The following PTPRZ1 variants were observed in gnomAD, a reference collection of about 807,000 sequenced individuals.
The protein encoded by PTPRZ1 is protein tyrosine phosphatase receptor type Z1, also known as receptor-type tyrosine-protein phosphatase zeta.
A neutral mutation model predicts 214.1 loss-of-function variants in PTPRZ1; 82 were observed. The ratio of observed to expected loss-of-function variants is 0.38; its 90% confidence interval spans 0.32 to 0.46. PTPRZ1 has a LOEUF of 0.46. Among genes scored for constraint, PTPRZ1 ranks in the 20% least tolerant of loss-of-function variants. PTPRZ1 has a pLI of 1.00. For synonymous variants in PTPRZ1, 945 were observed against 987.9 expected (o/e 0.96, Z 0.81); for missense variants, 2,603 against 2,748.7 (o/e 0.95, Z 1.19).
Position 122,058,935 on chromosome 7 carries a change from C to A in PTPRZ1, c.6664C>A (p.His2222Asn). Residue 2222 changes from histidine to asparagine, a missense_variant, in exon 28 of 30, where the codon CAT becomes AAT. Physicochemically the swap from His to Asn is moderately conservative, Grantham distance 68. Transcript: ENST00000393386. ...CAATAGGGATGGGCCTATGATTGTT[C>A]ATGATGAGTAAGTTCCATGTGTTAG... ...AANRDGPMIV[H>N]DEHGGVTAGT... 1 of 1,584,806 alleles carries A rather than the reference C, an allele frequency of 6.3e-7. No homozygotes were observed. Among genetic ancestry groups the A allele is most frequent in the South Asian group, 1.1e-5 (1 of 89,862 alleles).
At chr7:121,898,972 T>C (rs1445863896) in intron 1 of PTPRZ1, among the ~76,000 whole-genome samples, 1 of 152,174 alleles carries the variant, frequency 6.6e-6, no homozygotes, top group African/African-American at 2.4e-5. Context: ...CAGTGTAAAC[T>C]TTTATTTATT....
chr7:122,034,211 C>T lies in PTPRZ1; in HGVS notation c.5188-71C>T, dbSNP rs527570105. The T allele has an allele frequency of 3.3e-5, 51 of 1,566,894 alleles. No homozygotes were observed. The East Asian group carries it at 9.9e-4, about 30-fold the overall frequency. ...TAGATTATTTTGTTTGTTTTGTCTT[C>T]GTTATTATATTTTAAGGCACGTTGT... is the stretch of plus-strand genomic sequence containing the variant. On this transcript the variant is annotated intron_variant, in intron 16 of 29. Transcript: ENST00000393386.
At chr7:121,979,125 T>C (rs1797527586) in intron 6 of PTPRZ1, among the ~76,000 whole-genome samples, 1 of 152,100 alleles carries the variant, frequency 6.6e-6, no homozygotes. Context: ...TATCTTACTA[T>C]GCTGTGGGCT....
chr7:121,974,915 G>A (rs1251252049), intron 4 of PTPRZ1, among the ~76,000 whole-genome samples: 3 of 152,194 alleles, frequency 2.0e-5, no homozygotes, highest in African/African-American at 4.8e-5. Context: ...CACCAGGCAT[G>A]GTGGCTCAAA....
At chr7:122,010,111 A>C (rs1421775910) in intron 11 of PTPRZ1, among the ~76,000 whole-genome samples, 1 of 152,160 alleles carries the variant, frequency 6.6e-6, no homozygotes, top group African/African-American at 2.4e-5. Flanking sequence ...TAGCATTAAA[A>C]TAAAGGCGGC....
intron 1 of PTPRZ1, among the ~76,000 whole-genome samples, chr7:121,885,409 C>T (rs536167524): frequency 2.2e-4 from 33 of 152,244 alleles, no homozygotes; most frequent in Non-Finnish European, 3.4e-4. Context: ...AAAAATGGAT[C>T]CCTGTGAAAG....
At chr7:122,060,579 A>T (rs1562888373) in intron 29 of PTPRZ1, among the ~76,000 whole-genome samples, 1 of 152,186 alleles carries the variant, frequency 6.6e-6, no homozygotes, top group East Asian at 1.9e-4. Flanking sequence ...GCATAGGACC[A>T]GTTGGGCTGA....
chr7:122,037,054 C>G (rs963078068), intron 18 of PTPRZ1, among the ~76,000 whole-genome samples: 1 of 151,914 alleles, frequency 6.6e-6, no homozygotes, highest in African/African-American at 2.4e-5. Flanking sequence ...AGGCGGATCA[C>G]GAGGTCAGAA....
intron 23 of PTPRZ1, among the ~76,000 whole-genome samples, chr7:122,049,511 T>C (rs1247449364): frequency 6.6e-6 from 1 of 152,014 alleles, no homozygotes; most frequent in Non-Finnish European, 1.5e-5. Context: ...TTAGAAAATG[T>C]TTTAGAACAA....
intron 1 of PTPRZ1, among the ~76,000 whole-genome samples, chr7:121,876,496 A>G (rs1476325091): frequency 6.6e-6 from 1 of 152,180 alleles, no homozygotes; most frequent in East Asian, 1.9e-4. Flanking sequence ...TTAACAATAA[A>G]TTATACCCAA....
chr7:121,894,659 G>A (rs1794733474), intron 1 of PTPRZ1, among the ~76,000 whole-genome samples: 4 of 152,288 alleles, frequency 2.6e-5, no homozygotes, highest in South Asian at 2.1e-4. Flanking sequence ...GCCCACTTGG[G>A]CCTCCCAAAA....
chr7:122,022,957 T>C (rs2116694932), intron 13 of PTPRZ1, among the ~76,000 whole-genome samples: 1 of 152,252 alleles, frequency 6.6e-6, no homozygotes. Flanking sequence ...TCCAAAGACT[T>C]TTCAATGGGC....
chr7:121,983,512 C>CT (rs1370396891), intron 6 of PTPRZ1, among the ~76,000 whole-genome samples, 153 bp from the exon 7 acceptor site: 1 of 152,170 alleles, frequency 6.6e-6, no homozygotes, highest in African/African-American at 2.4e-5. Flanking sequence ...GGCATGCCAG[C>CT]TTTATTACCA....
Position 121,983,582 on chromosome 7 carries a change from ATG to A in PTPRZ1, c.620-79_620-78del, listed in dbSNP as rs1472207634. ...GTTTTGATTAAATACATAACAAAGC[ATG>A]TGTCTCTGTTTCATAGAAGTTTTGA... On this transcript the variant is annotated intron_variant, in intron 6 of 29. Coordinates refer to ENST00000393386, the MANE Select transcript of PTPRZ1 (RefSeq NM_002851.3). The A allele has an allele frequency of 2.7e-5, 33 of 1,241,740 alleles. No homozygotes were observed. In the Admixed American group the frequency reaches 7.6e-4, roughly 28 times the overall value. 76.9% of individuals were successfully genotyped at this position (1,241,740 alleles called of 1,614,324 possible). A position where few individuals can be genotyped will look rare whatever the true frequency, so the allele number is the denominator to read the frequency against.
intron 2 of PTPRZ1, among the ~76,000 whole-genome samples, chr7:121,934,882 G>C (rs1211938949): frequency 1.3e-5 from 2 of 152,078 alleles, no homozygotes; most frequent in African/African-American, 4.8e-5. Flanking sequence ...GGCTGAACAG[G>C]GTTCAGTTAA....
chr7:121,950,722 G>A (rs1297486111), intron 2 of PTPRZ1, among the ~76,000 whole-genome samples: 1 of 152,154 alleles, frequency 6.6e-6, no homozygotes, highest in Non-Finnish European at 1.5e-5. Flanking sequence ...GCATTGATTT[G>A]TTTATCTGTA....
At chr7:122,033,100 A>T (rs1257683249) in intron 15 of PTPRZ1, among the ~76,000 whole-genome samples, 1 of 152,054 alleles carries the variant, frequency 6.6e-6, no homozygotes, top group Non-Finnish European at 1.5e-5. Context: ...TAATTAAATT[A>T]ATAAAATAAC....
intron 14 of PTPRZ1, among the ~76,000 whole-genome samples, chr7:122,030,690 G>A (rs751548552): frequency 8.6e-5 from 13 of 151,860 alleles, no homozygotes; most frequent in Non-Finnish European, 1.3e-4. Context: ...TGTTTCTAGT[G>A]AAATGTGTTT....
intron 2 of PTPRZ1, among the ~76,000 whole-genome samples, chr7:121,960,323 G>A (rs934657289): frequency 6.6e-6 from 1 of 152,170 alleles, no homozygotes; most frequent in Non-Finnish European, 1.5e-5. Context: ...TTACAGGTGT[G>A]AGCCACCCAC....
Sources: allele counts gnomAD v4.1 joint callset (sites outside exome capture counted in the v4.1 genomes callset), GRCh38; gene constraint gnomAD v4.1.1; transcripts MANE v1.5; gene names NCBI Gene and HGNC (gene_info 2026-07-23, HGNC 2026-07-21).